Variants in CDIN1 observed in about 807,000 individuals in gnomAD.
The protein encoded by CDIN1 is CDAN1 interacting nuclease 1, also known as CDAN1-interacting nuclease 1.
In CDIN1, 33 loss-of-function variants were observed where a neutral mutation model predicts 45.3. The ratio of observed to expected loss-of-function variants is 0.73; its 90% CI spans 0.55 to 0.97. The LOEUF is 0.97. Ranked by LOEUF, CDIN1 falls within the 50% of genes least tolerant of loss-of-function variation. The pLI, the probability that CDIN1 is intolerant of heterozygous loss-of-function variation, is 0.00. For synonymous variants in CDIN1, 118 were observed against 124.4 expected (o/e 0.95, Z 0.34); for missense variants, 303 against 339.4 (o/e 0.89, Z 0.84).
At chr15:36,721,877 G>A (rs1203592692) in intron 10 of CDIN1, among the ~76,000 whole-genome samples, 1 of 151,608 alleles carries the variant, frequency 6.6e-6, no homozygotes, top group Non-Finnish European at 1.5e-5. Context: ...CATTCTTCTA[G>A]CTACAATTCC....
chr15:36,629,457 A>G (rs1285530809), intron 1 of CDIN1, among the ~76,000 whole-genome samples: 1 of 152,174 alleles, frequency 6.6e-6, no homozygotes, highest in East Asian at 1.9e-4. Context: ...AGGCAAAAGG[A>G]TACCATGGAG....
chr15:36,781,109 C>T (rs1835919149), intron 10 of CDIN1, among the ~76,000 whole-genome samples: 1 of 152,138 alleles, frequency 6.6e-6, no homozygotes, highest in Non-Finnish European at 1.5e-5. Flanking sequence ...ATGTACCTCA[C>T]ATGTGGAATT....
chr15:36,593,672 T>A (rs1044266367), intron 1 of CDIN1, among the ~76,000 whole-genome samples: 5 of 152,134 alleles, frequency 3.3e-5, no homozygotes, highest in African/African-American at 9.7e-5. Context: ...CACAGCATTC[T>A]CCTGCCTCAG....
chr15:36,635,839 A>G (rs2039877596), intron 1 of CDIN1, among the ~76,000 whole-genome samples: 1 of 152,246 alleles, frequency 6.6e-6, no homozygotes, highest in Non-Finnish European at 1.5e-5. Context: ...GCATCAATTT[A>G]ACAGTAAATT....
At chr15:36,733,423 A>C (rs1020343824) in intron 10 of CDIN1, among the ~76,000 whole-genome samples, 2 of 152,134 alleles carry the variant, frequency 1.3e-5, no homozygotes, top group Non-Finnish European at 2.9e-5. Context: ...CAGAATATAC[A>C]TTGATTTGGA....
intron 3 of CDIN1, chr15:36,647,639 A>G (rs780993298): frequency 1.3e-4 from 20 of 152,172 alleles, no homozygotes; most frequent in Non-Finnish European, 2.4e-4. Context: ...TGCAGGTCAA[A>G]TGTTCCTGTC....
At chr15:36,758,155 A>G (rs1357514752) in intron 10 of CDIN1, among the ~76,000 whole-genome samples, 2 of 152,068 alleles carry the variant, frequency 1.3e-5, no homozygotes, top group Admixed American at 6.6e-5. Flanking sequence ...TTCATAGGCT[A>G]AAACTCCTAC....
chr15:36,728,178 A>G (rs1248182218), intron 10 of CDIN1, among the ~76,000 whole-genome samples: 2 of 152,178 alleles, frequency 1.3e-5, no homozygotes, highest in Non-Finnish European at 2.9e-5. Context: ...TTTGTCATGC[A>G]TCACTCTATT....
intron 1 of CDIN1, among the ~76,000 whole-genome samples, chr15:36,587,316 C>A: frequency 6.6e-6 from 1 of 152,146 alleles, no homozygotes; most frequent in East Asian, 1.9e-4. Context: ...CTAGTAAGAT[C>A]TCAAAAGTAA....
At chr15:36,774,209 G>A (rs1318433066) in intron 10 of CDIN1, among the ~76,000 whole-genome samples, 1 of 150,958 alleles carries the variant, frequency 6.6e-6, no homozygotes, top group Non-Finnish European at 1.5e-5. Context: ...TAGCCCCTTA[G>A]GTTACTAGAG....
intron 5 of CDIN1, among the ~76,000 whole-genome samples, chr15:36,686,927 AAAAG>A (rs1445235045): frequency 2.6e-4 from 38 of 144,588 alleles, no homozygotes; most frequent in Non-Finnish European, 4.6e-4. Flanking sequence ...AGGAAGGAAG[AAAAG>A]GAAGGAAGGA....
At chr15:36,803,251 A>G (rs1436572273) in intron 10 of CDIN1, among the ~76,000 whole-genome samples, 1 of 150,834 alleles carries the variant, frequency 6.6e-6, no homozygotes, top group Non-Finnish European at 1.5e-5. Flanking sequence ...CATCCTAGAT[A>G]TGCAGCAAGG....
In CDIN1 at chr15:36,720,253, ATTATTTAT is replaced by A. The variant is rs140642356; in HGVS notation, c.716+10310_716+10317del. Among the ~76,000 whole-genome samples the A allele has an allele frequency of 3.9e-3, 561 of 145,436 alleles. 2 individuals carry two copies. The highest frequency in any genetic ancestry group is 0.013 in the African/African-American group (521 of 40,102). On this transcript the variant is annotated intron_variant, in intron 10 of 10. Transcript: ENST00000566621. ...TAAACATTTTATTTATTTATTATTTATTATTTATTTATTTATTTATTTATTATTATTTT... is the reference window on the plus strand; with the variant it reads ...TAAACATTTTATTTATTTATTATTTATTATTTATTTATTTATTATTATTTT...
chr15:36,676,969 T>A (rs1158255911), intron 5 of CDIN1, among the ~76,000 whole-genome samples: 1 of 152,196 alleles, frequency 6.6e-6, no homozygotes, highest in Non-Finnish European at 1.5e-5. Flanking sequence ...TCACTTCACA[T>A]ACCTATACCA....
At chr15:36,596,272 G>A (rs542422080) in intron 1 of CDIN1, among the ~76,000 whole-genome samples, 142 of 151,534 alleles carry the variant, frequency 9.4e-4, no homozygotes, top group Non-Finnish European at 7.4e-4. Context: ...AGGAGGATTC[G>A]ACCTGCTGGC....
At chr15:36,807,243 T>C (rs1686961220) in intron 10 of CDIN1, among the ~76,000 whole-genome samples, 1 of 152,178 alleles carries the variant, frequency 6.6e-6, no homozygotes, top group Non-Finnish European at 1.5e-5. Context: ...CAGCATATAA[T>C]AAATCATGGA....
chr15:36,620,911 C>A (rs183574444), intron 1 of CDIN1, among the ~76,000 whole-genome samples: 58 of 152,188 alleles, frequency 3.8e-4, no homozygotes, highest in Admixed American at 3.7e-3. Context: ...ACAGAACCAG[C>A]AAGTCATGAG....
chr15:36,686,461 A>G (rs1269939700), intron 5 of CDIN1, among the ~76,000 whole-genome samples: 2 of 149,624 alleles, frequency 1.3e-5, no homozygotes, highest in African/African-American at 4.9e-5. Context: ...CTAATGCTAG[A>G]TGACAAGTTA....
At position 36,658,019 on chromosome 15, in the gene CDIN1, T is replaced by G. The variant is rs969047534; in HGVS notation, c.346+114T>G. 2.3e-5 allele frequency: 19 copies of G among 814,310 alleles called. No homozygotes were observed. The Admixed American group carries it at 3.2e-4, about 14-fold the overall frequency. The allele number at this position is 814,310 out of a possible 1,614,324, so 50.4% of individuals were successfully genotyped here. ...GAGCCAGATTCCAAAACAGCTATCATGAACAGTTAATGACAATTAAATGCA... is the reference window on the plus strand; with the variant it reads ...GAGCCAGATTCCAAAACAGCTATCAGGAACAGTTAATGACAATTAAATGCA... On this transcript the variant is annotated intron_variant, in intron 5 of 10. Coordinates refer to ENST00000566621, the MANE Select transcript of CDIN1 (RefSeq NM_001321759.2).
Sources: gnomAD v4.1 joint callset for allele counts (sites outside exome capture counted in the v4.1 genomes callset) on GRCh38, gnomAD v4.1.1 for gene constraint, MANE v1.5 for transcripts, NCBI Gene and HGNC (gene_info 2026-07-23, HGNC 2026-07-21) for gene names.